Variants in ITGA5 observed in about 807,000 individuals in gnomAD.
ITGA5 encodes the protein integrin alpha-5.
Under a neutral mutation model 146.3 loss-of-function variants are expected in ITGA5, and 55 were observed. The ratio of observed to expected loss-of-function variants is 0.38; its 90% CI spans 0.30 to 0.47. The LOEUF (loss-of-function observed/expected upper bound fraction) is 0.47. Among genes scored for constraint, ITGA5 ranks in the 20% least tolerant of loss-of-function variants. ITGA5 has a pLI of 0.99. For synonymous variants in ITGA5, 500 were observed against 531.8 expected (o/e 0.94, Z 0.82); for missense variants, 1,131 against 1,329.0 (o/e 0.85, Z 2.32).
In ITGA5 at chr12:54,416,109, T is replaced by G. The variant is rs1202597454; in HGVS notation, c.218+2872A>C. ...GATGGAGTCTCACTCTGTCGCCCAGTCTGGGGTCGCTCAGTACAGATGTGA... is the reference window on the plus strand; with the variant it reads ...GATGGAGTCTCACTCTGTCGCCCAGGCTGGGGTCGCTCAGTACAGATGTGA... On this transcript the variant is annotated intron_variant, in intron 1 of 29. Transcript: ENST00000293379. This position sits in a 1 kb window ranked among gnomAD's most constrained non-coding sequence, Gnocchi z 4.1. Among the ~76,000 whole-genome samples the G allele has an allele frequency of 5.3e-5, 8 of 152,202 alleles. No individual in the cohort carries two copies. Among genetic ancestry groups the G allele is most frequent in the Admixed American group, 5.2e-4 (8 of 15,280 alleles).
At chr12:54,415,008 C>T (rs552383469) in intron 1 of ITGA5, among the ~76,000 whole-genome samples, 126 of 152,142 alleles carry the variant, frequency 8.3e-4, no homozygotes, top group African/African-American at 2.7e-3. Context: ...ATTAGCTGGG[C>T]GTGGTGGCAC....
intron 28 of ITGA5, among the ~76,000 whole-genome samples, chr12:54,397,902 A>ATT (rs774468803): frequency 1.6e-4 from 22 of 139,240 alleles, no homozygotes; most frequent in East Asian, 1.5e-3. Context: ...TATCATATCC[A>ATT]TTTTTTTTTT....
At chr12:54,410,058 T>C (rs1023939428) in intron 2 of ITGA5, among the ~76,000 whole-genome samples, 1 of 152,122 alleles carries the variant, frequency 6.6e-6, no homozygotes, top group Non-Finnish European at 1.5e-5. Context: ...GGTTTCATCA[T>C]GTTGGTCAGG....
rs1401789199 is a variant in ITGA5 at position 54,395,568 on chromosome 12, G to T, written c.*725C>A. 2.0e-5 allele frequency: 3 copies of T among 152,492 alleles called. No individual in the cohort carries two copies. The highest frequency in any genetic ancestry group is 4.4e-5 in the Non-Finnish European group (3 of 68,048). 9.4% of individuals were successfully genotyped at this position (152,492 alleles called of 1,614,324 possible). ...TAAATCAGGGTGAACTGGGCCTCCA[G>T]GATCAGGTCTGGAGCAGGCCCAAAT... On this transcript the variant is annotated 3_prime_UTR_variant, in exon 30 of 30. Transcript: ENST00000293379.
chr12:54,418,591 C>T (rs1189555565), intron 1 of ITGA5, among the ~76,000 whole-genome samples: 1 of 151,948 alleles, frequency 6.6e-6, no homozygotes, highest in Non-Finnish European at 1.5e-5. Context: ...AAAAGCCCTT[C>T]CCGGCCTCTG....
Position 54,419,228 on chromosome 12 carries a change from C to A in ITGA5, c.-30G>T. The A allele has an allele frequency of 6.5e-7, 1 of 1,547,592 alleles. No homozygotes were observed. The highest frequency in any genetic ancestry group is 8.7e-7 in the Non-Finnish European group (1 of 1,146,794). ...CCCGCTCTTCCCTGTCCTGGGGCCA[C>A]CGACCCGGAGCCGCTTCCTAAACCT... On this transcript the variant is annotated 5_prime_UTR_variant, in exon 1 of 30. Coordinates refer to ENST00000293379, the MANE Select transcript of ITGA5 (RefSeq NM_002205.5).
rs879207819 is a variant in ITGA5, at chr12:54,403,404, C to T, written c.1777-80G>A. The T allele has an allele frequency of 6.9e-7, 1 of 1,453,188 alleles. No homozygotes were observed. Among genetic ancestry groups the T allele is most frequent in the Non-Finnish European group, 9.2e-7 (1 of 1,085,020 alleles). The allele number at this position is 1,453,188 out of a possible 1,614,324, so 90.0% of individuals were successfully genotyped here. A position where few individuals can be genotyped will look rare whatever the true frequency, so the allele number is the denominator to read the frequency against. ...CCTGCTCCTCAGCCTCTCTCATCTCCCTTTGTCTGCTTAGGGCCCAATTCC... is the reference window on the plus strand; with the variant it reads ...CCTGCTCCTCAGCCTCTCTCATCTCTCTTTGTCTGCTTAGGGCCCAATTCC... On this transcript the variant is annotated intron_variant, in intron 17 of 29. Transcript: ENST00000293379. The surrounding 1 kb of genome is among the most constrained non-coding windows in gnomAD (Gnocchi z 4.9).
chr12:54,407,388 C>T, intron 9 of ITGA5: 1 of 520,772 alleles, frequency 1.9e-6, no homozygotes. Context: ...CTCATTTCAT[C>T]CTTGCCAGAG....
rs190884228 is a variant in ITGA5, at chr12:54,400,806, A to G, written c.2643+40T>C. ...CCAACCCCTCAGCCTTGGTCCTCTG[A>G]ATCTGCTCCTCTTCCCCATGCCAGT... On this transcript the variant is annotated intron_variant, in intron 25 of 29. Transcript: ENST00000293379. The G allele has an allele frequency of 5.5e-4, 878 of 1,601,964 alleles. 7 individuals carry two copies. The African/African-American group carries it at 0.011, about 19-fold the overall frequency.
chr12:54,397,334 G>A (rs1565636983), intron 29 of ITGA5, 31 bp downstream of exon 29: 4 of 1,613,020 alleles, frequency 2.5e-6, no homozygotes, highest in Non-Finnish European at 3.4e-6. Flanking sequence ...TGATGAGAGG[G>A]TGGCCAAGTC....
chr12:54,410,395 G>C (rs1177194751), intron 2 of ITGA5, among the ~76,000 whole-genome samples: 1 of 149,758 alleles, frequency 6.7e-6, no homozygotes, highest in Non-Finnish European at 1.5e-5. Flanking sequence ...GCCCAGGCTG[G>C]AGTGCAGTGG....
chr12:54,402,656 C>G (rs1039117939), intron 19 of ITGA5, among the ~76,000 whole-genome samples: 3 of 151,420 alleles, frequency 2.0e-5, no homozygotes, highest in Admixed American at 1.3e-4. Context: ...GCCGAGATTG[C>G]GCCACTGCAC....
chr12:54,405,472 G>A (rs1387346607), intron 11 of ITGA5, 98 bp from the exon 12 acceptor site: 46 of 1,111,764 alleles, frequency 4.1e-5, no homozygotes, highest in South Asian at 8.9e-5. Context: ...ATTCCATCAC[G>A]TCAGAAGACC....
rs533166544 is a variant in ITGA5, at chr12:54,404,059, C to T, written c.1565+86G>A. The T allele has an allele frequency of 2.6e-6, 4 of 1,563,652 alleles. No individual in the cohort carries two copies. In the East Asian group the frequency reaches 6.8e-5, roughly 26 times the overall value. On this transcript the variant is annotated intron_variant, in intron 15 of 29. Transcript: ENST00000293379. The stretch of plus-strand genomic sequence containing the variant: ...CCCAGCCAGACCCAGACTAGGACAC[C>T]ACCATTTTCCCCTTTTTAAGGCAGA...
intron 1 of ITGA5, among the ~76,000 whole-genome samples, chr12:54,412,934 G>A (rs1243348035): frequency 6.6e-6 from 1 of 152,178 alleles, no homozygotes; most frequent in East Asian, 1.9e-4. Context: ...GCTCCTGCCA[G>A]CCTTGGCCTC....
rs572744992 is a variant in ITGA5 at position 54,409,944 on chromosome 12, C to T, written c.350-347G>A. ...TGATCTCGGCTCAGTGCAACCTCCG[C>T]CTCCCTGGTTCAAGGGATTCTCCTG... is the stretch of plus-strand genomic sequence containing the variant. On this transcript the variant is annotated intron_variant, in intron 2 of 29. Transcript: ENST00000293379. The surrounding 1 kb of genome is among the most constrained non-coding windows in gnomAD (Gnocchi z 4.7). Among the ~76,000 whole-genome samples the T allele has an allele frequency of 3.3e-5, 5 of 151,922 alleles. No homozygotes were observed. The South Asian group carries it at 1.0e-3, about 32-fold the overall frequency.
chr12:54,396,245 G>T lies in ITGA5; in HGVS notation c.*48C>A. ...GACCCCTCCTTTTCAGTAGAATGAGGGTGGGGGGACTGGTTCTTCAGGAAT... is the reference window on the plus strand; with the variant it reads ...GACCCCTCCTTTTCAGTAGAATGAGTGTGGGGGGACTGGTTCTTCAGGAAT... On this transcript the variant is annotated 3_prime_UTR_variant, in exon 30 of 30. Transcript: ENST00000293379. The T allele has an allele frequency of 7.0e-7, 1 of 1,428,088 alleles. No homozygotes were observed. Among genetic ancestry groups the T allele is most frequent in the Non-Finnish European group, 9.9e-7 (1 of 1,011,680 alleles). 88.5% of individuals were successfully genotyped at this position (1,428,088 alleles called of 1,614,324 possible).
chr12:54,402,611 A>C (rs1955997909), intron 19 of ITGA5, among the ~76,000 whole-genome samples: 1 of 152,026 alleles, frequency 6.6e-6, no homozygotes, highest in Non-Finnish European at 1.5e-5. Flanking sequence ...TGAGGCAGAG[A>C]ATCGCTTGAA....
In ITGA5 at chr12:54,401,145, C is replaced by T; in HGVS notation, c.2494-150G>A. ...AAGCAATGGGCAGAGGTGAAATCCTCTCTAGCCAACACTTTTGGAGGGGGC... is the reference window on the plus strand; with the variant it reads ...AAGCAATGGGCAGAGGTGAAATCCTTTCTAGCCAACACTTTTGGAGGGGGC... On this transcript the variant is annotated intron_variant, in intron 24 of 29. Transcript: ENST00000293379. The surrounding 1 kb of genome is among the most constrained non-coding windows in gnomAD (Gnocchi z 5.0). 1 of 875,624 alleles carries T rather than the reference C, an allele frequency of 1.1e-6. No homozygotes were observed. Among genetic ancestry groups the T allele is most frequent in the East Asian group, 2.6e-5 (1 of 37,988 alleles). 54.2% of individuals were successfully genotyped at this position (875,624 alleles called of 1,614,324 possible).
Sources: gnomAD v4.1 joint callset for allele counts (sites outside exome capture counted in the v4.1 genomes callset) on GRCh38, gnomAD v4.1.1 for gene constraint, Gnocchi (gnomAD v3.1) non-coding constraint, MANE v1.5 for transcripts, NCBI Gene and HGNC (gene_info 2026-07-23, HGNC 2026-07-21) for gene names.